The following ADPRHL1 variants were observed in gnomAD, a reference collection of about 807,000 sequenced individuals.
The protein encoded by ADPRHL1 is inactive ADP-ribosyltransferase ARH2.
In ADPRHL1, 43 loss-of-function variants were observed where a neutral mutation model predicts 44.1. The ratio of observed to expected loss-of-function variants is 0.98; its 90% CI spans 0.76 to 1.26. The LOEUF is 1.26. ADPRHL1 is among the 50% of genes most tolerant of loss of function. ADPRHL1 has a pLI of 0.00. For synonymous variants in ADPRHL1, 878 were observed against 1,017.4 expected (o/e 0.86, Z 2.61); for missense variants, 2,022 against 2,496.9 (o/e 0.81, Z 4.05).
intron 5 of ADPRHL1, among the ~76,000 whole-genome samples, chr13:113,424,739 C>T: frequency 4.7e-5 from 2 of 42,518 alleles, no homozygotes; most frequent in South Asian, 9.2e-4. Context: ...CATCCATTCA[C>T]CCACGCTTCT....
intron 3 of ADPRHL1, among the ~76,000 whole-genome samples, chr13:113,433,125 C>G (rs1248883636): frequency 2.0e-5 from 3 of 152,176 alleles, no homozygotes; most frequent in African/African-American, 7.2e-5. Context: ...CTCACACAGC[C>G]CGATTTGGGG....
chr13:113,410,309 G>A (rs938862228), intron 7 of ADPRHL1, among the ~76,000 whole-genome samples: 7 of 152,184 alleles, frequency 4.6e-5, no homozygotes, highest in African/African-American at 1.2e-4. Flanking sequence ...GCTGAGACCC[G>A]GATTTTGGGG....
At chr13:113,437,285 C>T (rs1368021868) in intron 2 of ADPRHL1, among the ~76,000 whole-genome samples, 1 of 151,430 alleles carries the variant, frequency 6.6e-6, no homozygotes, top group Non-Finnish European at 1.5e-5. Context: ...CGGGACCCAG[C>T]ACCCAGGCGC....
rs188308917 is a variant in ADPRHL1 at position 113,423,182 on chromosome 13, G to A, written c.908-203C>T. 1.6e-3 allele frequency among the ~76,000 whole-genome samples: 243 copies of A among 152,238 alleles called. 1 individual carries two copies. The highest frequency in any genetic ancestry group is 5.6e-3 in the African/African-American group (232 of 41,562). ...TGAGATGGGAGAATCTCTTGAACCCGGGAGGCAGAGGTGGCAACGAGCCGA... is the reference window on the plus strand; with the variant it reads ...TGAGATGGGAGAATCTCTTGAACCCAGGAGGCAGAGGTGGCAACGAGCCGA... On this transcript the variant is annotated intron_variant, in intron 6 of 7. Coordinates refer to ENST00000612156, the MANE Select transcript of ADPRHL1 (RefSeq NM_001394807.1).
intron 4 of ADPRHL1, among the ~76,000 whole-genome samples, chr13:113,427,774 C>T (rs900414206): frequency 4.6e-5 from 7 of 152,244 alleles, no homozygotes; most frequent in African/African-American, 7.2e-5. Flanking sequence ...CAAGGAGGTA[C>T]TGACTGTGTG....
rs1053297848 is a variant in ADPRHL1 at position 113,407,839 on chromosome 13, C to A, written c.1443G>T (p.Pro481=). The A allele has an allele frequency of 6.5e-6, 8 of 1,231,816 alleles. No individual in the cohort carries two copies. In the African/African-American group the frequency reaches 1.2e-4, roughly 19 times the overall value. 76.3% of individuals were successfully genotyped at this position (1,231,816 alleles called of 1,614,324 possible). Residue 481 remains proline, a synonymous_variant, in exon 8 of 8, where the codon CCG becomes CCT. Transcript: ENST00000612156. ...INKLLEKTKE[P]APKPCLSEKP... ...TCTCGCTGAGGCAGGGCTTTGGGGC[C>A]GGCTCCTTGGTCTTCTCCAGGAGCT...
intron 2 of ADPRHL1, among the ~76,000 whole-genome samples, chr13:113,440,813 A>C (rs1209714462): frequency 6.6e-6 from 1 of 152,114 alleles, no homozygotes; most frequent in Non-Finnish European, 1.5e-5. Context: ...AGTGTTACTG[A>C]AGTGCAACAG....
chr13:113,429,986 C>G (rs1752163660), intron 3 of ADPRHL1, among the ~76,000 whole-genome samples: 1 of 152,220 alleles, frequency 6.6e-6, no homozygotes. Context: ...GTCCGGGAGG[C>G]CTGTCCTGGT....
rs75042331 is a variant in ADPRHL1 at position 113,407,540 on chromosome 13, T to G, written c.1742A>C (p.Gln581Pro). 40 of 1,232,226 alleles carry G rather than the reference T, an allele frequency of 3.2e-5. No individual in the cohort carries two copies. In the East Asian group the frequency reaches 1.2e-3, roughly 37 times the overall value. The allele number at this position is 1,232,226 out of a possible 1,614,324, so 76.3% of individuals were successfully genotyped here. The change falls in exon 8 of 8, where the codon CAG becomes CCG. Residue 581 changes from glutamine (Q) to proline (P), a missense_variant. Gln to Pro is a moderately conservative substitution (Grantham distance 76, BLOSUM62 -1). This residue lies in a region of ADPRHL1 where 1,221 missense variants were observed against 1,517.8 expected (regional missense o/e 0.80). Coordinates refer to ENST00000612156, the MANE Select transcript of ADPRHL1 (RefSeq NM_001394807.1). ...HTQERKKRNL[Q>P]RKRMHRPEVR... is the part of the protein sequence containing the mutation. ...CTCCGGCCGGTGCATCCTCTTCCTC[T>G]GCAGGTTCCTCTTCTTCCGCTCCTG...
chr13:113,405,601 T>A lies in ADPRHL1; in HGVS notation c.3681A>T (p.Leu1227Phe). The change falls in exon 8 of 8, where the codon TTA becomes TTT. Residue 1227 changes from leucine (L) to phenylalanine (F), a missense_variant. This residue lies in a region of ADPRHL1 where 1,221 missense variants were observed against 1,517.8 expected (regional missense o/e 0.80). Coordinates refer to ENST00000612156, the MANE Select transcript of ADPRHL1 (RefSeq NM_001394807.1). ...ALARHPEAAR[L>F]YISNTSAASR... ...TGGCTGCTGATGTGTTTGAAATGTATAATCGGGCCGCCTCTGGGTGCCGGG... is the reference window on the plus strand; with the variant it reads ...TGGCTGCTGATGTGTTTGAAATGTAAAATCGGGCCGCCTCTGGGTGCCGGG... 1.6e-6 allele frequency: 2 copies of A among 1,232,696 alleles called. No homozygotes were observed. Among genetic ancestry groups the A allele is most frequent in the Non-Finnish European group, 2.0e-6 (2 of 988,716 alleles). The allele number at this position is 1,232,696 out of a possible 1,614,324, so 76.4% of individuals were successfully genotyped here.
chr13:113,403,498 G>T lies in ADPRHL1; in HGVS notation c.5784C>A (p.Arg1928=). 8.1e-7 allele frequency: 1 copy of T among 1,232,022 alleles called. No individual in the cohort carries two copies. The highest frequency in any genetic ancestry group is 4.1e-5 in the South Asian group (1 of 24,314). The allele number at this position is 1,232,022 out of a possible 1,614,324, so 76.3% of individuals were successfully genotyped here. Residue 1928 remains arginine (R), a synonymous_variant, in exon 8 of 8, where the codon CGC becomes CGA. Transcript: ENST00000612156. ...DRMEASEPER[R]GRSRHLAKYK... Reference sequence around the variant, plus strand: ...ACTTGGCCAGGTGCCTGGACCTCCCGCGACGCTCGGGCTCCGATGCCTCCA... The same window carrying T: ...ACTTGGCCAGGTGCCTGGACCTCCCTCGACGCTCGGGCTCCGATGCCTCCA...
At chr13:113,410,117 G>A (rs1489203280) in intron 7 of ADPRHL1, 2 of 985,282 alleles carry the variant, frequency 2.0e-6, no homozygotes, top group African/African-American at 1.7e-5. Flanking sequence ...CCGTGGGCAC[G>A]CGATGACCCA....
intron 1 of ADPRHL1, among the ~76,000 whole-genome samples, chr13:113,452,303 G>A (rs977864901): frequency 7.9e-5 from 12 of 152,198 alleles, no homozygotes; most frequent in African/African-American, 1.9e-4. Flanking sequence ...TATCGCCGGC[G>A]CTTCAGCTCT....
chr13:113,434,162 A>T (rs1299073088), intron 2 of ADPRHL1, among the ~76,000 whole-genome samples: 3 of 152,152 alleles, frequency 2.0e-5, no homozygotes, highest in African/African-American at 7.2e-5. Flanking sequence ...TTTTCCCTGT[A>T]AAAACAGCTT....
chr13:113,427,171 G>A (rs2043973859), intron 4 of ADPRHL1, among the ~76,000 whole-genome samples: 1 of 152,236 alleles, frequency 6.6e-6, no homozygotes. Flanking sequence ...ACAAAGGGGA[G>A]GAGGTTTTGC....
At chr13:113,439,862 T>C (rs1442433323) in intron 2 of ADPRHL1, among the ~76,000 whole-genome samples, 1 of 152,368 alleles carries the variant, frequency 6.6e-6, no homozygotes, top group East Asian at 1.9e-4. Flanking sequence ...AGTTGTTAAA[T>C]GTATTGGCAT....
chr13:113,437,620 G>A (rs1320733259), intron 2 of ADPRHL1, among the ~76,000 whole-genome samples: 1 of 152,236 alleles, frequency 6.6e-6, no homozygotes, highest in African/African-American at 2.4e-5. Context: ...AAGCGCCCAC[G>A]TTGTTGGGGA....
At chr13:113,440,403 A>C (rs2044088685) in intron 2 of ADPRHL1, among the ~76,000 whole-genome samples, 1 of 151,682 alleles carries the variant, frequency 6.6e-6, no homozygotes, top group Non-Finnish European at 1.5e-5. Flanking sequence ...ATGTGTTACT[A>C]ATATAGTAAC....
In ADPRHL1 at chr13:113,403,098, G is replaced by A. The variant is rs949463395; in HGVS notation, c.*280C>T. On this transcript the variant is annotated 3_prime_UTR_variant, in exon 8 of 8. Coordinates refer to ENST00000612156, the MANE Select transcript of ADPRHL1 (RefSeq NM_001394807.1). ...CTGTGTGAGAGAGGGGTGAGCCGGC[G>A]CCCCCGAGTGAAGACACAAAGAATC... 1 of 244,778 alleles carries A rather than the reference G, an allele frequency of 4.1e-6. No individual in the cohort carries two copies. 15.2% of individuals were successfully genotyped at this position (244,778 alleles called of 1,614,324 possible).
Sources: allele counts gnomAD v4.1 joint callset (sites outside exome capture counted in the v4.1 genomes callset), GRCh38; gene constraint gnomAD v4.1.1; regional missense constraint gnomAD v4.1.1; transcripts MANE v1.5; gene names NCBI Gene and HGNC (gene_info 2026-07-23, HGNC 2026-07-21).